The following TOPORS variants were observed in gnomAD, a reference collection of about 807,000 sequenced individuals.
The protein encoded by TOPORS is E3 ubiquitin-protein ligase Topors.
Under a neutral mutation model 81.4 loss-of-function variants are expected in TOPORS, and 25 were observed. That is an observed-to-expected ratio of 0.31 (90% CI 0.22 to 0.43). The LOEUF is 0.43. TOPORS is among the 20% of genes least tolerant of loss of function. TOPORS has a pLI of 1.00. For synonymous variants in TOPORS, 473 were observed against 456.6 expected, an observed-to-expected ratio of 1.04 and a Z score of -0.46; for missense variants, 1,101 against 1,267.0, an observed-to-expected ratio of 0.87 and a Z score of 1.99.
chr9:32,552,490 G>C lies in TOPORS; in HGVS notation c.-54C>G. On this transcript the variant is annotated 5_prime_UTR_variant, in exon 1 of 3. Transcript: ENST00000360538. Reference sequence around the variant, plus strand: ...TGGATTTATTCAGTGGTAAGTCCCGGGGATCGCGGGCCCCCACCGTGTCGA... The same window carrying C: ...TGGATTTATTCAGTGGTAAGTCCCGCGGATCGCGGGCCCCCACCGTGTCGA... 1.9e-6 allele frequency: 3 copies of C among 1,581,382 alleles called. No homozygotes were observed. The highest frequency in any genetic ancestry group is 2.6e-6 in the Non-Finnish European group (3 of 1,163,916).
At chr9:32,552,271 A>G in intron 1 of TOPORS, 163 bp downstream of exon 1, 1 of 972,922 alleles carries the variant, frequency 1.0e-6, no homozygotes, top group Middle Eastern at 2.1e-4. Context: ...CCGCCCCCCA[A>G]CTCCGGGCGG....
At chr9:32,544,752 A>C (rs1821119827) in intron 2 of TOPORS, among the ~76,000 whole-genome samples, 1 of 147,590 alleles carries the variant, frequency 6.8e-6, no homozygotes, top group Non-Finnish European at 1.5e-5. Context: ...CTGACATATA[A>C]AAAAAAAAAG....
chr9:32,542,173 A>G lies in TOPORS; in HGVS notation c.2352T>C (p.Thr784=), dbSNP rs1821074265. 1.9e-6 allele frequency: 3 copies of G among 1,614,094 alleles called. No individual in the cohort carries two copies. The highest frequency in any genetic ancestry group is 2.5e-6 in the Non-Finnish European group (3 of 1,180,052). ...SNRSRTASTG[T]DRVRNEKPGG... ...CAGGCTTTTCATTTCTCACCCGGTC[A>G]GTCCCGGTAGATGCAGTCCTTGATC... Residue 784 remains threonine, a synonymous_variant, in exon 3 of 3, where the codon ACT becomes ACC. Coordinates refer to ENST00000360538, the MANE Select transcript of TOPORS (RefSeq NM_005802.5).
Position 32,543,747 on chromosome 9 carries a change from G to A in TOPORS, c.778C>T (p.Arg260Ter). The stretch of plus-strand genomic sequence containing the variant: ...CGAGCACCAGCACGATAAAGAGTTC[G>A]TCTAAAATTAATAATATCTTGTTCT... The part of the protein sequence containing the change: ...IQEQDIINFR[R>*]TLYRAGARVR... Residue 260 changes from arginine (R) to a stop codon, truncating the protein, a stop_gained, in exon 3 of 3, where the codon CGA becomes TGA. Coordinates refer to ENST00000360538, the MANE Select transcript of TOPORS (RefSeq NM_005802.5). LOFTEE classifies it high-confidence loss of function. The surrounding 1 kb of genome is among the most constrained non-coding windows in gnomAD (Gnocchi z 5.6). 5 of 1,611,616 alleles carry A rather than the reference G, an allele frequency of 3.1e-6. No individual in the cohort carries two copies. The highest frequency in any genetic ancestry group is 3.4e-6 in the Non-Finnish European group (4 of 1,178,366).
At chr9:32,545,652 T>G (rs966693260) in intron 2 of TOPORS, among the ~76,000 whole-genome samples, 5 of 151,940 alleles carry the variant, frequency 3.3e-5, no homozygotes, top group African/African-American at 1.2e-4. Context: ...TCCCAGCTAC[T>G]TGGGAGGCTG....
intron 2 of TOPORS, among the ~76,000 whole-genome samples, chr9:32,545,135 T>C (rs1238030589): frequency 6.6e-6 from 1 of 152,208 alleles, no homozygotes. Flanking sequence ...AGGCAGTGCC[T>C]GGCTCACAGT....
chr9:32,541,470 G>A lies in TOPORS; in HGVS notation c.3055C>T (p.Gln1019Ter). The change falls in exon 3 of 3, where the codon CAA becomes TAA. Residue 1019 changes from glutamine (Q) to a stop codon, truncating the protein, a stop_gained. Transcript: ENST00000360538. LOFTEE classifies it high-confidence loss of function. The stretch of plus-strand genomic sequence containing the variant: ...GGCAATTGCCTTGATGGCTCAGTTT[G>A]AAGAGACACAATGTTACTGGGCTGG... ...ENQPSNIVSL[Q>*]TEPSRQLPSP... 1.2e-6 allele frequency: 2 copies of A among 1,614,206 alleles called. No homozygotes were observed. The highest frequency in any genetic ancestry group is 1.7e-6 in the Non-Finnish European group (2 of 1,180,022).
intron 2 of TOPORS, among the ~76,000 whole-genome samples, chr9:32,547,171 G>A (rs1243022877): frequency 6.6e-6 from 1 of 152,202 alleles, no homozygotes; most frequent in Non-Finnish European, 1.5e-5. Context: ...ATTTGAAACA[G>A]CCTAGGCAAC....
chr9:32,551,728 T>G (rs898759801), intron 1 of TOPORS: 9 of 422,330 alleles, frequency 2.1e-5, no homozygotes, highest in South Asian at 6.5e-5. Flanking sequence ...TGCTCGGGGC[T>G]TAGTATCTCA....
intron 2 of TOPORS, among the ~76,000 whole-genome samples, chr9:32,549,132 A>G (rs1453061224): frequency 6.6e-6 from 1 of 151,900 alleles, no homozygotes; most frequent in Non-Finnish European, 1.5e-5. Context: ...ACACGGTGAA[A>G]CCGTCTCTAC....
Position 32,544,032 on chromosome 9 carries a change from G to T in TOPORS, c.493C>A (p.Pro165Thr). ...GTGACAAAAGAACCATTATACGAAG[G>T]CCTTAGGACATACTCCTTGAAGTCA... ...EDDFKEYVLR[P>T]SYNGSFVTPD... Residue 165 changes from proline to threonine, a missense_variant, in exon 3 of 3, where the codon CCT (proline) becomes ACT (threonine). By Grantham distance (38) the Pro-to-Thr change is conservative (BLOSUM62 -1). This residue lies in a region of TOPORS where 120 missense variants were observed against 115.4 expected (regional missense o/e 1.04). Transcript: ENST00000360538. The T allele has an allele frequency of 6.2e-7, 1 of 1,614,146 alleles. No homozygotes were observed. Among genetic ancestry groups the T allele is most frequent in the Non-Finnish European group, 8.5e-7 (1 of 1,180,030 alleles).
At position 32,542,637 on chromosome 9, in the gene TOPORS, T is replaced by C; in HGVS notation, c.1888A>G (p.Arg630Gly). 1 of 1,614,148 alleles carries C rather than the reference T, an allele frequency of 6.2e-7. No homozygotes were observed. The highest frequency in any genetic ancestry group is 1.1e-5 in the South Asian group (1 of 91,084). ...CTAGGTCTGCTACTTTCCCTGCTTCTGGATCGTTTACTTTTCATTCTTTTC... is the reference window on the plus strand; with the variant it reads ...CTAGGTCTGCTACTTTCCCTGCTTCCGGATCGTTTACTTTTCATTCTTTTC... ...GKKRMKSKRS[R>G]SRESSRPRGR... Residue 630 changes from arginine (R) to glycine (G), a missense_variant, in exon 3 of 3, where the codon AGA becomes GGA. This residue lies in a region of TOPORS where 605 missense variants were observed against 636.1 expected (regional missense o/e 0.95). Coordinates refer to ENST00000360538, the MANE Select transcript of TOPORS (RefSeq NM_005802.5).
In TOPORS at chr9:32,542,894, T is replaced by A; in HGVS notation, c.1631A>T (p.Gln544Leu). ...SPHSVLGKDE[Q>L]INKGHCDSST... is the part of the protein sequence containing the mutation. ...AGAATCACAATGACCTTTATTTATT[T>A]GTTCATCCTTTCCAAGGACAGAGTG... The change falls in exon 3 of 3, where the codon CAA becomes CTA. Residue 544 changes from glutamine to leucine, a missense_variant. Around this residue, in one of 9 missense-constraint regions of TOPORS, gnomAD observed 605 missense variants for 636.1 expected, o/e 0.95. Coordinates refer to ENST00000360538, the MANE Select transcript of TOPORS (RefSeq NM_005802.5). 6.2e-7 allele frequency: 1 copy of A among 1,614,196 alleles called. No homozygotes were observed. The highest frequency in any genetic ancestry group is 8.5e-7 in the Non-Finnish European group (1 of 1,180,028).
chr9:32,551,067 T>G (rs982174076), intron 1 of TOPORS, 99 bp from the exon 2 acceptor site: 4 of 1,372,112 alleles, frequency 2.9e-6, no homozygotes, highest in Non-Finnish European at 4.0e-6. Flanking sequence ...AACACCCGCC[T>G]TCCTCACGCA....
chr9:32,552,190 A>C, intron 1 of TOPORS: 1 of 602,008 alleles, frequency 1.7e-6, no homozygotes. Context: ...AAAAAAAAAA[A>C]AAGCAATTTT....
Position 32,542,009 on chromosome 9 carries a change from T to C in TOPORS, c.2516A>G (p.Glu839Gly). 6.2e-7 allele frequency: 1 copy of C among 1,614,096 alleles called. No individual in the cohort carries two copies. The highest frequency in any genetic ancestry group is 8.5e-7 in the Non-Finnish European group (1 of 1,180,026). Residue 839 changes from glutamate (E) to glycine (G), a missense_variant, in exon 3 of 3, where the codon GAG (glutamate) becomes GGG (glycine). This residue lies in a region of TOPORS where 605 missense variants were observed against 636.1 expected (regional missense o/e 0.95). Coordinates refer to ENST00000360538, the MANE Select transcript of TOPORS (RefSeq NM_005802.5). ...SSKLDGNYKN[E>G]SDTFSDSRSS... ...TCGGCTGTCTGAAAAGGTATCACTC[T>C]CATTTTTGTAGTTTCCATCCAATTT... is the stretch of plus-strand genomic sequence containing the variant.
rs1821076303 is a variant in TOPORS, at chr9:32,542,237, T to A, written c.2288A>T (p.Tyr763Phe). The A allele has an allele frequency of 6.2e-7, 1 of 1,614,236 alleles. No individual in the cohort carries two copies. Among genetic ancestry groups the A allele is most frequent in the Non-Finnish European group, 8.5e-7 (1 of 1,180,046 alleles). ...KNNHSERKYY[Y>F]YERHRSRSLS... ...GCTCCTTGATCTGTGCCTTTCATAG[T>A]AGTAATACTTCCTCTCACTGTGATT... Residue 763 changes from tyrosine (Y) to phenylalanine (F), a missense_variant, in exon 3 of 3, where the codon TAC becomes TTC. Tyr to Phe is a conservative substitution (Grantham distance 22). Coordinates refer to ENST00000360538, the MANE Select transcript of TOPORS (RefSeq NM_005802.5).
Position 32,550,906 on chromosome 9 carries a change from A to T in TOPORS, c.66T>A (p.Ala22=). 1.2e-6 allele frequency: 2 copies of T among 1,612,910 alleles called. No individual in the cohort carries two copies. Among genetic ancestry groups the T allele is most frequent in the Non-Finnish European group, 1.7e-6 (2 of 1,179,792 alleles). ...TTCTCCGCCTACCCTCCGAAGCGGG[A>T]GCAGGCGGGGGCGCTTCACCCTCCT... ...SREEGEAPPP[A]PASEGRRRSR... The change falls in exon 2 of 3, where the codon GCT becomes GCA. Residue 22 remains alanine, a synonymous_variant. Coordinates refer to ENST00000360538, the MANE Select transcript of TOPORS (RefSeq NM_005802.5).
rs1436709016 is a variant in TOPORS, at chr9:32,550,815, C to T, written c.157G>A (p.Ala53Thr). 6.2e-7 allele frequency: 1 copy of T among 1,612,628 alleles called. No homozygotes were observed. The highest frequency in any genetic ancestry group is 1.7e-5 in the Admixed American group (1 of 60,000). The change falls in exon 2 of 3, where the codon GCG (alanine) becomes ACG (threonine). Residue 53 changes from alanine to threonine, a missense_variant. By Grantham distance (58) the Ala-to-Thr change is moderately conservative (BLOSUM62 0). Around this residue, in one of 9 missense-constraint regions of TOPORS, gnomAD observed 131 missense variants for 101.0 expected, o/e 1.30. Transcript: ENST00000360538. ...GCAGGCCTGGCTGGGGCGCTCGCCG[C>T]GAGCTCCCGGCAGCCCAGAAAGCTA... Reference protein sequence around the residue: ...RPSFLGCRELAASAPARPAPA... With the variant: ...RPSFLGCRELTASAPARPAPA...
Sources: gnomAD v4.1 joint callset for allele counts (sites outside exome capture counted in the v4.1 genomes callset) on GRCh38, gnomAD v4.1.1 for gene constraint, gnomAD v4.1.1 regional missense constraint, Gnocchi (gnomAD v3.1) non-coding constraint, MANE v1.5 for transcripts, NCBI Gene and HGNC (gene_info 2026-07-23, HGNC 2026-07-21) for gene names.